Variants in CUX1 observed in about 807,000 individuals in gnomAD.
CUX1 encodes cut like homeobox 1.
A neutral mutation model predicts 158.8 loss-of-function variants in CUX1; 31 were observed. The observed-to-expected ratio is 0.20, with a 90% CI of 0.15 to 0.26. The LOEUF (loss-of-function observed/expected upper bound fraction) is 0.26. Among genes scored for constraint, CUX1 ranks in the 10% least tolerant of loss-of-function variants. The pLI, the probability that CUX1 is intolerant of heterozygous loss-of-function variation, is 1.00. For synonymous variants in CUX1, 879 were observed against 862.1 expected, an observed-to-expected ratio of 1.02 and a Z score of -0.34; for missense variants, 1,589 against 2,014.6, an observed-to-expected ratio of 0.79 and a Z score of 4.04.
intron 2 of CUX1, among the ~76,000 whole-genome samples, chr7:101,982,810 G>T (rs1001309495): frequency 4.0e-5 from 6 of 151,608 alleles, no homozygotes; most frequent in Non-Finnish European, 8.8e-5. Context: ...CCATGTTGGT[G>T]TGCTGCACCC....
chr7:102,261,838 C>G (rs1017247670), downstream of CUX1, among the ~76,000 whole-genome samples: 3 of 152,102 alleles, frequency 2.0e-5, no homozygotes, highest in South Asian at 2.1e-4. Context: ...CAAACTCGGT[C>G]GGGCACGATG....
intron 8 of CUX1, among the ~76,000 whole-genome samples, chr7:102,120,517 A>G (rs1554493106): frequency 2.0e-5 from 3 of 152,332 alleles, no homozygotes; most frequent in Non-Finnish European, 4.4e-5. Flanking sequence ...GCTTTTTTCA[A>G]AGAACGACAT....
chr7:101,875,175 T>TG (rs1240963878), intron 1 of CUX1, among the ~76,000 whole-genome samples: 1 of 152,178 alleles, frequency 6.6e-6, no homozygotes, highest in African/African-American at 2.4e-5. Flanking sequence ...ACCTTTGTCC[T>TG]GGGTCATTCT....
At chr7:102,131,049 T>C (rs1203366636) in intron 8 of CUX1, among the ~76,000 whole-genome samples, 3 of 146,236 alleles carry the variant, frequency 2.1e-5, no homozygotes, top group African/African-American at 7.7e-5. Context: ...CTCAGAAAGC[T>C]GAGTCAGCGA....
intron 1 of CUX1, among the ~76,000 whole-genome samples, chr7:101,907,307 C>T (rs1802866399): frequency 6.6e-6 from 1 of 152,058 alleles, no homozygotes; most frequent in Admixed American, 6.6e-5. Flanking sequence ...GCCTAGGTCT[C>T]CTTACTAGAG....
At chr7:102,067,056 C>T (rs574542952) in intron 3 of CUX1, among the ~76,000 whole-genome samples, 1 of 152,128 alleles carries the variant, frequency 6.6e-6, no homozygotes, top group East Asian at 1.9e-4. Context: ...CACAAAGTTG[C>T]ACAGCTGTCA....
intron 8 of CUX1, among the ~76,000 whole-genome samples, chr7:102,148,815 A>G (rs1835298095): frequency 6.6e-6 from 1 of 151,132 alleles, no homozygotes; most frequent in Non-Finnish European, 1.5e-5. Flanking sequence ...ACTGCACCCA[A>G]TATATAGTCT....
chr7:101,908,349 T>A (rs1802993802), intron 1 of CUX1, among the ~76,000 whole-genome samples: 1 of 152,256 alleles, frequency 6.6e-6, no homozygotes, highest in Non-Finnish European at 1.5e-5. Flanking sequence ...TTTCGCCATA[T>A]TGGCCAGGCT....
intron 20 of CUX1, among the ~76,000 whole-genome samples, chr7:102,216,584 C>CCA (rs148917917): frequency 0.82 from 45,493 of 55,264 alleles, 19,280 homozygotes; most frequent in East Asian, 0.94. Context: ...ACACACTCTC[C>CCA]CACACACACA....
Position 102,097,519 on chromosome 7 carries a change from T to TCTTTG in CUX1, c.406+23_406+27dup. 6.4e-7 allele frequency: 1 copy of TCTTTG among 1,569,220 alleles called. No homozygotes were observed. Among genetic ancestry groups the TCTTTG allele is most frequent in the Non-Finnish European group, 8.6e-7 (1 of 1,166,704 alleles). On this transcript the variant is annotated intron_variant, in intron 5 of 23. Coordinates refer to ENST00000292535, the MANE Select transcript of CUX1 (RefSeq NM_181552.4). ...AAATCAAGGTTGGTGGAAAATGCGT[T>TCTTTG]CTTTGCTTTTTCTTTTCTTCTTTTT...
chr7:102,008,509 T>G (rs762148353), intron 2 of CUX1, among the ~76,000 whole-genome samples: 26 of 152,310 alleles, frequency 1.7e-4, no homozygotes, highest in Admixed American at 5.9e-4. Context: ...ATTTCGGTCG[T>G]GTGCGTGTCT....
intron 2 of CUX1, among the ~76,000 whole-genome samples, chr7:101,967,294 C>T (rs1232677063): frequency 2.0e-5 from 3 of 152,296 alleles, no homozygotes; most frequent in South Asian, 2.1e-4. Context: ...GGATTACAGG[C>T]GTGAGCCACC....
chr7:101,817,116 C>T (rs1022541299), upstream of CUX1: 12 of 984,374 alleles, frequency 1.2e-5, no homozygotes, highest in African/African-American at 8.8e-5. The surrounding 1 kb of genome is among the most constrained non-coding windows in gnomAD (Gnocchi z 4.1). Flanking sequence ...TCCCGGTGTC[C>T]CGGACCGCCG....
rs1412517108 is a variant in CUX1 at position 102,248,699 on chromosome 7, A to C, written c.4175A>C (p.Glu1392Ala). The part of the protein sequence containing the change: ...GPDDARDDDH[E>A]GGPVEGPGPL... Reference sequence around the variant, plus strand: ...GACGACGCCCGCGACGACGACCACGAGGGAGGCCCCGTGGAAGGCCCGGGG... The same window carrying C: ...GACGACGCCCGCGACGACGACCACGCGGGAGGCCCCGTGGAAGGCCCGGGG... Residue 1392 changes from glutamate to alanine, a missense_variant, in exon 24 of 24, where the codon GAG becomes GCG. Glu to Ala is a moderately radical substitution (Grantham distance 107). Coordinates refer to ENST00000292535, the MANE Select transcript of CUX1 (RefSeq NM_181552.4). The surrounding 1 kb of genome is among the most constrained non-coding windows in gnomAD (Gnocchi z 5.8). 61 of 1,248,582 alleles carry C rather than the reference A, an allele frequency of 4.9e-5. No homozygotes were observed. Among genetic ancestry groups the C allele is most frequent in the Non-Finnish European group, 6.0e-5 (60 of 992,668 alleles). 77.3% of individuals were successfully genotyped at this position (1,248,582 alleles called of 1,614,324 possible).
At chr7:101,975,316 T>A (rs1262806051) in intron 2 of CUX1, among the ~76,000 whole-genome samples, 1 of 151,672 alleles carries the variant, frequency 6.6e-6, no homozygotes, top group East Asian at 1.9e-4. Context: ...CTCAGCACTT[T>A]GGGAGGCTAA....
At chr7:102,100,772 G>A (rs1227124100) in intron 5 of CUX1, among the ~76,000 whole-genome samples, 5 of 150,722 alleles carry the variant, frequency 3.3e-5, no homozygotes, top group Admixed American at 2.7e-4. Context: ...TTCGAGACCA[G>A]CCTGGACAAC....
chr7:101,857,353 G>A (rs192558658), intron 1 of CUX1, among the ~76,000 whole-genome samples: 1 of 152,352 alleles, frequency 6.6e-6, no homozygotes, highest in African/African-American at 2.4e-5. Flanking sequence ...GAGTTAAGAT[G>A]CGTGGCCACC....
chr7:102,204,264 C>T (rs1795731684), intron 18 of CUX1, 127 bp from the exon 19 acceptor site: 10 of 1,202,374 alleles, frequency 8.3e-6, no homozygotes, highest in South Asian at 1.4e-5. Context: ...GCCACCAGGC[C>T]GTGGTTCTGT....
chr7:101,887,842 C>CCTT (rs1562966470), intron 1 of CUX1, among the ~76,000 whole-genome samples: 19 of 135,064 alleles, frequency 1.4e-4, no homozygotes, highest in South Asian at 2.4e-4. Flanking sequence ...ATGACGGTGA[C>CCTT]ATTTTTTTTT....
Sources: allele counts gnomAD v4.1 joint callset (sites outside exome capture counted in the v4.1 genomes callset), GRCh38; gene constraint gnomAD v4.1.1; non-coding constraint Gnocchi (gnomAD v3.1); transcripts MANE v1.5; gene names NCBI Gene and HGNC (gene_info 2026-07-23, HGNC 2026-07-21).